The following HEATR5A variants were observed in gnomAD, a reference collection of about 807,000 sequenced individuals.
HEATR5A encodes HEAT repeat containing 5A, also known as HEAT repeat-containing protein 5A.
Under a neutral mutation model 218.8 loss-of-function variants are expected in HEATR5A, and 178 were observed. That is an observed-to-expected ratio of 0.81 (90% CI 0.72 to 0.92). The LOEUF is 0.92. Among genes scored for constraint, HEATR5A ranks in the 40% least tolerant of loss-of-function variants. The pLI is 0.00. For missense variants in HEATR5A, 2,420 were observed against 2,418.9 expected, an observed-to-expected ratio of 1.00 and a Z score of -0.01; for synonymous variants, 864 against 871.6, an observed-to-expected ratio of 0.99 and a Z score of 0.15.
intron 22 of HEATR5A, among the ~76,000 whole-genome samples, chr14:31,328,366 G>C: frequency 6.6e-6 from 1 of 152,132 alleles, no homozygotes. Flanking sequence ...AGATATAATA[G>C]CTAAGGTAAT....
In HEATR5A at chr14:31,307,953, T is replaced by C. The variant is rs760295770; in HGVS notation, c.4758A>G (p.Leu1586=). ...CATCTAGAAGTGCTTGCAATGCATG[T>C]AAACAAGCAGTTATGCTTTCCATGG... ...DATMESITAC[L]HALQALLDVP... Residue 1586 remains leucine (L), a synonymous_variant, in exon 30 of 36, where the codon TTA becomes TTG. Coordinates refer to ENST00000543095, the MANE Select transcript of HEATR5A (RefSeq NM_015473.4). 6.2e-7 allele frequency: 1 copy of C among 1,613,732 alleles called. No individual in the cohort carries two copies.
chr14:31,308,477 A>G (rs1215006888), intron 29 of HEATR5A, among the ~76,000 whole-genome samples: 2 of 149,286 alleles, frequency 1.3e-5, no homozygotes, highest in East Asian at 3.9e-4. Flanking sequence ...ATTGCACTCC[A>G]GCCTGGGCAA....
At position 31,328,458 on chromosome 14, in the gene HEATR5A, A is replaced by ATG. The variant is rs1900345269; in HGVS notation, c.3368-2118_3368-2117dup. Among the ~76,000 whole-genome samples, 3 of 152,116 alleles carry ATG rather than the reference A, an allele frequency of 2.0e-5. No individual in the cohort carries two copies. In the South Asian group the frequency reaches 6.2e-4, roughly 32 times the overall value. On this transcript the variant is annotated intron_variant, in intron 22 of 35. Transcript: ENST00000543095. ...GGACATTTTTTGGATGACTAGGGAA[A>ATG]TGTGTGTGAGGGCTGCAAATCAATA...
chr14:31,413,360 T>A (rs1411892386), intron 1 of HEATR5A, among the ~76,000 whole-genome samples: 1 of 151,412 alleles, frequency 6.6e-6, no homozygotes, highest in Non-Finnish European at 1.5e-5. Flanking sequence ...GGGTTACAGG[T>A]TGGGGACTGA....
rs1038923322 is a variant in HEATR5A, at chr14:31,411,519, C to T, written c.-74-8470G>A. ...ACCAAGAGTACTTTGTGGAATGCTG[C>T]CAGAAGAATGAAAACATGTATTCTG... is the stretch of plus-strand genomic sequence containing the variant. On this transcript the variant is annotated intron_variant, in intron 1 of 35. Transcript: ENST00000543095. Among the ~76,000 whole-genome samples, 9 of 152,242 alleles carry T rather than the reference C, an allele frequency of 5.9e-5. No individual in the cohort carries two copies. In the East Asian group the frequency reaches 1.5e-3, roughly 26 times the overall value.
chr14:31,302,894 C>T (rs890932615), intron 32 of HEATR5A, among the ~76,000 whole-genome samples: 1 of 135,868 alleles, frequency 7.4e-6, no homozygotes. Context: ...GCATTAAGTA[C>T]ATTCACAATG....
chr14:31,404,541 G>A (rs1231751812), intron 1 of HEATR5A, among the ~76,000 whole-genome samples: 1 of 152,126 alleles, frequency 6.6e-6, no homozygotes, highest in Admixed American at 6.6e-5. Context: ...TCACAAACTG[G>A]TTCCCTGTTG....
At chr14:31,312,912 A>G in intron 28 of HEATR5A, 56 bp downstream of exon 28, 1 of 1,392,804 alleles carries the variant, frequency 7.2e-7, no homozygotes, top group Non-Finnish European at 1.0e-6. Context: ...AAAAAAAAAG[A>G]AAAGAAAATG....
At chr14:31,396,813 A>C (rs113276118) in intron 4 of HEATR5A, among the ~76,000 whole-genome samples, 203 of 152,352 alleles carry the variant, frequency 1.3e-3, no homozygotes, top group Non-Finnish European at 2.4e-3. Context: ...GTTAGTTAAA[A>C]AAATTTAAAA....
chr14:31,309,236 C>CT (rs1301861939), intron 28 of HEATR5A, 54 bp from the exon 29 acceptor site: 2 of 1,575,762 alleles, frequency 1.3e-6, no homozygotes, highest in African/African-American at 1.4e-5. Flanking sequence ...TATATTTTCT[C>CT]TTTTTTCTGT....
intron 11 of HEATR5A, among the ~76,000 whole-genome samples, chr14:31,377,858 A>G (rs75233919): frequency 0.11 from 16,003 of 152,258 alleles, 1,118 homozygotes; most frequent in Middle Eastern, 0.18. Context: ...AATAAAACCC[A>G]AGAAAACAAA....
At chr14:31,305,559 G>T (rs1032807633) in intron 31 of HEATR5A, among the ~76,000 whole-genome samples, 7 of 152,070 alleles carry the variant, frequency 4.6e-5, no homozygotes, top group African/African-American at 1.7e-4. Context: ...CACTGCGCCC[G>T]GCCAGGAAAT....
At chr14:31,337,677 T>C (rs377400677) in intron 21 of HEATR5A, 63 bp from the exon 22 acceptor site, 71 of 1,437,140 alleles carry the variant, frequency 4.9e-5, no homozygotes, top group African/African-American at 1.5e-4. Context: ...GTGAGTCTAA[T>C]AGATATTCAC....
rs575640793 is a variant in HEATR5A, at chr14:31,387,203, A to C, written c.1106T>G (p.Ile369Arg). 1 of 1,613,884 alleles carries C rather than the reference A, an allele frequency of 6.2e-7. No individual in the cohort carries two copies. The highest frequency in any genetic ancestry group is 8.5e-7 in the Non-Finnish European group (1 of 1,179,806). The change falls in exon 8 of 36, where the codon ATA (isoleucine) becomes AGA (arginine). Residue 369 changes from isoleucine (I) to arginine (R), a missense_variant. Ile to Arg is a moderately conservative substitution (Grantham distance 97). Coordinates refer to ENST00000543095, the MANE Select transcript of HEATR5A (RefSeq NM_015473.4). ...AGCCTTTTCTCCAAGAAGACCACCT[A>C]TAGTAGTTCGAAGAATAAATGAAAC... ...RCVSFILRTT[I>R]GGLLGEKAQL...
chr14:31,373,610 C>T (rs112164570), intron 12 of HEATR5A, among the ~76,000 whole-genome samples: 3,350 of 152,234 alleles, frequency 0.022, 97 homozygotes, highest in African/African-American at 0.07. Context: ...AGATTACAAG[C>T]GTGAGCCACA....
At position 31,325,991 on chromosome 14, in the gene HEATR5A, A is replaced by C. The variant is rs1900254866; in HGVS notation, c.3547+172T>G. On this transcript the variant is annotated intron_variant, in intron 23 of 35. Coordinates refer to ENST00000543095, the MANE Select transcript of HEATR5A (RefSeq NM_015473.4). ...GTATTGGATTTATATTGTTCAAATT[A>C]CAGAGAATTCTAAAACACTAGAAAT... 3 of 622,758 alleles carry C rather than the reference A, an allele frequency of 4.8e-6. No individual in the cohort carries two copies. In the African/African-American group the frequency reaches 5.5e-5, roughly 11 times the overall value. 38.6% of individuals were successfully genotyped at this position (622,758 alleles called of 1,614,324 possible).
chr14:31,393,875 T>C (rs2030548286), intron 6 of HEATR5A, among the ~76,000 whole-genome samples, 177 bp downstream of exon 6: 1 of 152,200 alleles, frequency 6.6e-6, no homozygotes. Context: ...CTCAAACTTG[T>C]GACCTCAGGT....
intron 6 of HEATR5A, among the ~76,000 whole-genome samples, chr14:31,391,387 C>A (rs2030448138): frequency 6.6e-6 from 1 of 152,148 alleles, no homozygotes; most frequent in Non-Finnish European, 1.5e-5. Context: ...AATCCATCCG[C>A]CTTGGCCTCC....
intron 1 of HEATR5A, among the ~76,000 whole-genome samples, chr14:31,419,434 C>T (rs1357673758): frequency 6.6e-6 from 1 of 152,028 alleles, no homozygotes; most frequent in Non-Finnish European, 1.5e-5. Context: ...CAATTCTAAC[C>T]ACACTTCTGC....
Sources: allele counts gnomAD v4.1 joint callset (sites outside exome capture counted in the v4.1 genomes callset), GRCh38; gene constraint gnomAD v4.1.1; transcripts MANE v1.5; gene names NCBI Gene and HGNC (gene_info 2026-07-23, HGNC 2026-07-21).